The following PDE1A variants were observed in gnomAD, a reference collection of about 807,000 sequenced individuals.
PDE1A encodes the protein dual specificity calcium/calmodulin-dependent 3',5'-cyclic nucleotide phosphodiesterase 1A.
PDE1A carries 35 observed loss-of-function variants against 61.7 expected under a neutral mutation model. The observed-to-expected ratio is 0.57, with a 90% CI of 0.43 to 0.75. The LOEUF is 0.75. Ranked by LOEUF, PDE1A falls within the 30% of genes least tolerant of loss-of-function variation. PDE1A has a pLI of 0.00. For synonymous variants in PDE1A, 232 were observed against 213.2 expected, an observed-to-expected ratio of 1.09 and a Z score of -0.77; for missense variants, 597 against 630.6, an observed-to-expected ratio of 0.95 and a Z score of 0.57.
chr2:182,626,772 CATATATAT>C, the PDE1A span, among the ~76,000 whole-genome samples: 2 of 2,402 alleles, frequency 8.3e-4, no homozygotes, highest in African/African-American at 9.1e-4. Flanking sequence ...CATATATATA[CATATATAT>C]ACATATATAT....
intron 2 of PDE1A, among the ~76,000 whole-genome samples, chr2:182,250,976 T>C (rs1404614046): frequency 6.6e-6 from 1 of 152,174 alleles, no homozygotes; most frequent in Non-Finnish European, 1.5e-5. Context: ...GATTGTATTT[T>C]TGGAGTCATT....
chr2:182,278,713 C>T (rs1457163717), intron 1 of PDE1A, among the ~76,000 whole-genome samples: 1 of 151,950 alleles, frequency 6.6e-6, no homozygotes, highest in Admixed American at 6.6e-5. Flanking sequence ...GAAGTGAATA[C>T]CTGTTTGACA....
the PDE1A span, among the ~76,000 whole-genome samples, chr2:182,623,278 T>C: frequency 6.6e-6 from 1 of 152,148 alleles, no homozygotes; most frequent in Non-Finnish European, 1.5e-5. Context: ...CAGACTGGTA[T>C]AGACATTGCA....
intron 2 of PDE1A, among the ~76,000 whole-genome samples, chr2:182,485,481 T>C (rs867207789): frequency 6.6e-6 from 1 of 152,060 alleles, no homozygotes; most frequent in Admixed American, 6.6e-5. Flanking sequence ...AGTTTACCTA[T>C]GTAACTTTCA....
chr2:182,498,636 A>G (rs1688873384), intron 2 of PDE1A, among the ~76,000 whole-genome samples: 1 of 152,130 alleles, frequency 6.6e-6, no homozygotes, highest in East Asian at 1.9e-4. Context: ...AGGACCAGTC[A>G]ATTTCCCAGT....
At chr2:182,466,742 A>G (rs1686698037) in intron 2 of PDE1A, among the ~76,000 whole-genome samples, 1 of 152,046 alleles carries the variant, frequency 6.6e-6, no homozygotes, top group Non-Finnish European at 1.5e-5. Flanking sequence ...TCTTGACTGA[A>G]GCATCCAAAA....
At chr2:182,219,240 A>G (rs1268676530) in intron 7 of PDE1A, among the ~76,000 whole-genome samples, 2 of 152,146 alleles carry the variant, frequency 1.3e-5, no homozygotes, top group Admixed American at 6.6e-5. Flanking sequence ...AAAATGATGA[A>G]TACATCAAGG....
intron 1 of PDE1A, among the ~76,000 whole-genome samples, chr2:182,410,979 G>GT (rs1302945400): frequency 6.6e-6 from 1 of 152,156 alleles, no homozygotes; most frequent in East Asian, 1.9e-4. Context: ...ATCTGCTACA[G>GT]TTTTTTCCCT....
intron 2 of PDE1A, among the ~76,000 whole-genome samples, chr2:182,510,075 C>A (rs1366511418): frequency 6.6e-6 from 1 of 151,940 alleles, no homozygotes; most frequent in Non-Finnish European, 1.5e-5. Flanking sequence ...CTATAAATAT[C>A]AAAAATTTGC....
At chr2:182,476,426 G>T (rs532411598) in intron 2 of PDE1A, among the ~76,000 whole-genome samples, 164 of 151,980 alleles carry the variant, frequency 1.1e-3, no homozygotes, top group African/African-American at 3.8e-3. Flanking sequence ...AGGAGGCACA[G>T]GTTTCAGTGA....
intron 13 of PDE1A, among the ~76,000 whole-genome samples, chr2:182,168,591 A>G (rs1278938038): frequency 6.6e-6 from 1 of 152,056 alleles, no homozygotes; most frequent in Admixed American, 6.6e-5. Context: ...ATGGAGTCCA[A>G]CTCTAGTTGT....
chr2:182,547,826 A>C, the PDE1A span, among the ~76,000 whole-genome samples: 1 of 152,230 alleles, frequency 6.6e-6, no homozygotes, highest in Non-Finnish European at 1.5e-5. Flanking sequence ...TCTTAATGGC[A>C]TCATGTGAAT....
chr2:182,251,396 CTG>C (rs1559253758), intron 2 of PDE1A, among the ~76,000 whole-genome samples: 1 of 79,568 alleles, frequency 1.3e-5, no homozygotes, highest in Admixed American at 1.3e-4. Flanking sequence ...AATGGTCTCT[CTG>C]TTTCTCTTTT....
At chr2:182,291,979 A>C (rs1342140377) in intron 1 of PDE1A, among the ~76,000 whole-genome samples, 2 of 152,134 alleles carry the variant, frequency 1.3e-5, no homozygotes, top group Non-Finnish European at 2.9e-5. Flanking sequence ...AGGAAGCATG[A>C]CTGTTACTTG....
intron 11 of PDE1A, among the ~76,000 whole-genome samples, chr2:182,188,259 G>C (rs1685408616): frequency 1.3e-5 from 2 of 152,210 alleles, no homozygotes; most frequent in African/African-American, 4.8e-5. Flanking sequence ...ACTTGGATGG[G>C]AAGGGGAAAA....
the PDE1A span, among the ~76,000 whole-genome samples, chr2:182,676,287 T>G: frequency 6.6e-6 from 1 of 152,008 alleles, no homozygotes; most frequent in Non-Finnish European, 1.5e-5. Flanking sequence ...TACAAACACC[T>G]CTACACACAA....
At chr2:182,438,274 A>G (rs1393793893) in intron 2 of PDE1A, among the ~76,000 whole-genome samples, 1 of 151,966 alleles carries the variant, frequency 6.6e-6, no homozygotes. Flanking sequence ...CAAGTTATTT[A>G]GCCAATACAC....
At chr2:182,334,942 A>G (rs1360914455) in intron 1 of PDE1A, among the ~76,000 whole-genome samples, 1 of 152,216 alleles carries the variant, frequency 6.6e-6, no homozygotes, top group Non-Finnish European at 1.5e-5. Flanking sequence ...AGGATACAAA[A>G]TCAATGTGCA....
At chr2:182,184,572 C>G (rs1685055636) in intron 13 of PDE1A, among the ~76,000 whole-genome samples, 1 of 152,060 alleles carries the variant, frequency 6.6e-6, no homozygotes, top group South Asian at 2.1e-4. Flanking sequence ...TAAGAAAATA[C>G]TTGAGAAAGT....
Sources: gnomAD v4.1 joint callset for allele counts (sites outside exome capture counted in the v4.1 genomes callset) on GRCh38, gnomAD v4.1.1 for gene constraint, MANE v1.5 for transcripts, NCBI Gene and HGNC (gene_info 2026-07-23, HGNC 2026-07-21) for gene names.